The following SPATA22 variants were observed in gnomAD, a reference collection of about 807,000 sequenced individuals.
The protein encoded by SPATA22 is spermatogenesis associated 22.
A neutral mutation model predicts 47.8 loss-of-function variants in SPATA22; 29 were observed. That is an observed-to-expected ratio of 0.61 (90% CI 0.45 to 0.83). The LOEUF (loss-of-function observed/expected upper bound fraction) is 0.83, where lower values mean the gene tolerates loss of function less well. Among genes scored for constraint, SPATA22 ranks in the 40% least tolerant of loss-of-function variants. The pLI is 0.00. For missense variants in SPATA22, 410 were observed against 421.7 expected (o/e 0.97, Z 0.24); for synonymous variants, 133 against 140.9 (o/e 0.94, Z 0.40).
chr17:3,462,792 TA>T (rs1314648003), intron 3 of SPATA22, 25 bp from the exon 4 acceptor site: 6 of 1,543,386 alleles, frequency 3.9e-6, no homozygotes, highest in Non-Finnish European at 5.4e-6. Flanking sequence ...GTAACATAGA[TA>T]AAAGTAAGAT....
rs914991191 is a variant in SPATA22 at position 3,511,151 on chromosome 17, T to C, written c.-74+2261A>G. The C allele has an allele frequency of 2.6e-5, 4 of 151,718 alleles. No homozygotes were observed. The East Asian group carries it at 5.8e-4, about 22-fold the overall frequency. 9.4% of individuals were successfully genotyped at this position (151,718 alleles called of 1,614,324 possible). On this transcript the variant is annotated intron_variant, in intron 1 of 8. Transcript: ENST00000541913. Reference sequence around the variant, plus strand: ...TGATAGACCCACGGGTTCAACGGGGTGTGTGTGGGGGCTGAGGGTGTGTGT... The same window carrying C: ...TGATAGACCCACGGGTTCAACGGGGCGTGTGTGGGGGCTGAGGGTGTGTGT...
rs2073713998 is a variant in SPATA22, at chr17:3,485,988, A to G, written c.-73-16590T>C. The stretch of plus-strand genomic sequence containing the variant: ...GCTCTTGTTGCCAAGGCTGGAGTAC[A>G]GTGGCACAATCTCGGCTCACTGCAA... On this transcript the variant is annotated intron_variant, in intron 1 of 8. Transcript: ENST00000541913. The surrounding 1 kb of genome is among the most constrained non-coding windows in gnomAD (Gnocchi z 4.4). Among the ~76,000 whole-genome samples, 1 of 150,372 alleles carries G rather than the reference A, an allele frequency of 6.7e-6. No individual in the cohort carries two copies. Among genetic ancestry groups the G allele is most frequent in the South Asian group, 2.1e-4 (1 of 4,734 alleles).
At chr17:3,462,390 A>T in intron 5 of SPATA22, 93 bp downstream of exon 5, 1 of 836,026 alleles carries the variant, frequency 1.2e-6, no homozygotes, top group Non-Finnish European at 1.9e-6. Context: ...ATTCTGTCTG[A>T]GAAACAACGA....
rs1225128437 is a variant in SPATA22, at chr17:3,448,812, G to C, written c.667C>G (p.Leu223Val). Residue 223 changes from leucine to valine, a missense_variant, in exon 6 of 9, where the codon CTG becomes GTG. Leu to Val is a conservative substitution (Grantham distance 32). Coordinates refer to ENST00000572969, the MANE Select transcript of SPATA22 (RefSeq NM_001170698.2). ...ATTTGTATTTAAACATTTACCTTCA[G>C]GGTGTTGTCTTCTGGAATATCATCC... is the stretch of plus-strand genomic sequence containing the variant. ...MLDDIPEDNT[L>V]KETSLYQLQF... 6.3e-7 allele frequency: 1 copy of C among 1,591,004 alleles called. No individual in the cohort carries two copies. The highest frequency in any genetic ancestry group is 1.8e-5 in the Admixed American group (1 of 57,120).
intron 1 of SPATA22, among the ~76,000 whole-genome samples, chr17:3,493,628 ACTC>A (rs2073862565): frequency 6.6e-6 from 1 of 151,652 alleles, no homozygotes; most frequent in Non-Finnish European, 1.5e-5. Flanking sequence ...AGTTGCTGGA[ACTC>A]CTCCTGAAAA....
chr17:3,496,099 C>T lies in SPATA22; in HGVS notation c.-74+17313G>A, dbSNP rs888975146. Among the ~76,000 whole-genome samples the T allele has an allele frequency of 7.9e-5, 12 of 152,066 alleles. No homozygotes were observed. The East Asian group carries it at 1.7e-3, about 22-fold the overall frequency. On this transcript the variant is annotated intron_variant, in intron 1 of 8. Coordinates refer to the SPATA22 transcript ENST00000541913. ...AGCAAACTGGGCTAGTGGTAGGTCT[C>T]GAAAGTTAGGAAGGATGGTTTTGAT...
intron 1 of SPATA22, among the ~76,000 whole-genome samples, chr17:3,505,425 T>C (rs1042305027): frequency 6.6e-6 from 1 of 152,328 alleles, no homozygotes; most frequent in Middle Eastern, 3.4e-3. Flanking sequence ...AGTGTGAAGC[T>C]ATCTGGAAGG....
At chr17:3,510,229 A>G (rs1481021515) in intron 1 of SPATA22, among the ~76,000 whole-genome samples, 2 of 152,142 alleles carry the variant, frequency 1.3e-5, no homozygotes, top group African/African-American at 4.8e-5. Flanking sequence ...TGGGCACATC[A>G]CTTCAAGCCC....
At chr17:3,457,582 C>T (rs1232392409) in intron 5 of SPATA22, among the ~76,000 whole-genome samples, 1 of 152,034 alleles carries the variant, frequency 6.6e-6, no homozygotes, top group African/African-American at 2.4e-5. Flanking sequence ...CAAGTTATAC[C>T]TAAAAGCTAC....
chr17:3,504,222 C>T (rs2074020472), intron 1 of SPATA22, among the ~76,000 whole-genome samples: 1 of 152,204 alleles, frequency 6.6e-6, no homozygotes, highest in Admixed American at 6.5e-5. Context: ...TTTGTTGCCA[C>T]TTTGCCCCTC....
intron 1 of SPATA22, among the ~76,000 whole-genome samples, chr17:3,479,009 G>A (rs1396382966): frequency 6.6e-6 from 1 of 152,182 alleles, no homozygotes; most frequent in Non-Finnish European, 1.5e-5. Context: ...GGGTCTCTCT[G>A]CATCCAGACT....
intron 1 of SPATA22, among the ~76,000 whole-genome samples, chr17:3,477,660 G>T (rs576059988): frequency 1.3e-5 from 2 of 152,092 alleles, no homozygotes; most frequent in East Asian, 3.9e-4. Flanking sequence ...CTCCATGTTG[G>T]CCAGGCTGGT....
intron 5 of SPATA22, among the ~76,000 whole-genome samples, chr17:3,452,397 T>C (rs2072883788): frequency 1.3e-5 from 2 of 150,970 alleles, no homozygotes. Flanking sequence ...ATCGAGACCA[T>C]CCTGGCCAAC....
At chr17:3,473,086 C>G (rs961619450), upstream of SPATA22, among the ~76,000 whole-genome samples, 1 of 149,972 alleles carries the variant, frequency 6.7e-6, no homozygotes, top group African/African-American at 2.4e-5. Context: ...CACACCCACC[C>G]ACCCCAAAAA....
chr17:3,476,351 T>C, upstream of SPATA22: 1 of 1,614,142 alleles, frequency 6.2e-7, no homozygotes. Context: ...GTACCAGATA[T>C]ATTGACTGTG....
rs992450672 is a variant in SPATA22 at position 3,484,802 on chromosome 17, A to T, written c.-73-15404T>A. Among the ~76,000 whole-genome samples, 4 of 152,194 alleles carry T rather than the reference A, an allele frequency of 2.6e-5. No homozygotes were observed. The South Asian group carries it at 6.2e-4, about 24-fold the overall frequency. On this transcript the variant is annotated intron_variant, in intron 1 of 8. Coordinates refer to the SPATA22 transcript ENST00000541913. Reference sequence around the variant, plus strand: ...TTGGTGGACCAGTCCCTGTCCTCAGACAATACTTTGAGGAAAAAGGAATAT... The same window carrying T: ...TTGGTGGACCAGTCCCTGTCCTCAGTCAATACTTTGAGGAAAAAGGAATAT...
intron 1 of SPATA22, among the ~76,000 whole-genome samples, chr17:3,480,446 G>C (rs1409743648): frequency 6.6e-6 from 1 of 152,238 alleles, no homozygotes; most frequent in Non-Finnish European, 1.5e-5. Context: ...AGTTGGAGCT[G>C]TCCTCTTGCG....
At chr17:3,446,036 G>C (rs1198866466) in intron 7 of SPATA22, among the ~76,000 whole-genome samples, 2 of 152,082 alleles carry the variant, frequency 1.3e-5, no homozygotes, top group Non-Finnish European at 2.9e-5. Context: ...AAAGATGCCT[G>C]CATTCTTTGG....
intron 1 of SPATA22, among the ~76,000 whole-genome samples, chr17:3,497,819 T>TTA (rs1200490458): frequency 6.6e-6 from 1 of 152,126 alleles, no homozygotes; most frequent in Non-Finnish European, 1.5e-5. Context: ...TGCTGGGAAA[T>TTA]GTTAGACATG....
Sources: gnomAD v4.1 joint callset for allele counts (sites outside exome capture counted in the v4.1 genomes callset) on GRCh38, gnomAD v4.1.1 for gene constraint, Gnocchi (gnomAD v3.1) non-coding constraint, MANE v1.5 for transcripts, NCBI Gene and HGNC (gene_info 2026-07-23, HGNC 2026-07-21) for gene names.